PLAC1: variants seen among roughly 807,000 people sequenced by gnomAD.
The protein encoded by PLAC1 is placenta-specific protein 1.
For missense variants in PLAC1, 136 were observed against 163.2 expected (o/e 0.83, Z 0.91); for synonymous variants, 68 against 62.1 (o/e 1.09, Z -0.44).
At chrX:134,624,766 A>C (rs975586675) in intron 1 of PLAC1, among the ~76,000 whole-genome samples, 3 of 111,587 alleles carry the variant, frequency 2.7e-5, no homozygotes, top group Non-Finnish European at 5.6e-5. Flanking sequence ...TGCATTCCCC[A>C]GTGTCAACCC....
Position 134,587,905 on chromosome X carries a change from C to A in PLAC1, c.-59+14146G>T, listed in dbSNP as rs1198200541. 2.7e-5 allele frequency among the ~76,000 whole-genome samples: 3 copies of A among 111,773 alleles called. No homozygotes were observed. In the East Asian group the frequency reaches 8.4e-4, roughly 31 times the overall value. On this transcript the variant is annotated intron_variant, in intron 2 of 2. Transcript: ENST00000359237. ...TAAAATCGATGTTGTTCTGTTACCT[C>A]CCTTCATAACCTCCAAACTGTAAGA...
At chrX:134,637,505 C>G (rs1029939531) in intron 1 of PLAC1, among the ~76,000 whole-genome samples, 1 of 111,992 alleles carries the variant, frequency 8.9e-6, no homozygotes, top group Non-Finnish European at 1.9e-5. Flanking sequence ...CTTACTCAAG[C>G]TCAAAGTTTA....
chrX:134,747,621 AATC>A (rs1450047370), intron 1 of PLAC1, among the ~76,000 whole-genome samples: 1 of 111,282 alleles, frequency 9.0e-6, no homozygotes, highest in African/African-American at 3.3e-5. Context: ...TCAGAAAGAG[AATC>A]CTGGCCTGAG....
chrX:134,677,834 G>A (rs985681165), intron 2 of PLAC1, among the ~76,000 whole-genome samples: 1 of 111,877 alleles, frequency 8.9e-6, no homozygotes, highest in African/African-American at 3.3e-5. Context: ...GTTGAAGCAG[G>A]GAGACCAGTT....
chrX:134,763,824 A>AAAAG (rs58989876), intron 1 of PLAC1, among the ~76,000 whole-genome samples: 1,946 of 90,489 alleles, frequency 0.022, 30 homozygotes, highest in Non-Finnish European at 0.026. Flanking sequence ...TCCGAAAAAA[A>AAAAG]AAAGAAAGAA....
intron 2 of PLAC1, among the ~76,000 whole-genome samples, chrX:134,713,133 CCT>C (rs1366923742): frequency 9.0e-6 from 1 of 111,458 alleles, no homozygotes; most frequent in East Asian, 2.8e-4. Flanking sequence ...ATGCTTGCCC[CCT>C]GTTCCCCAAA....
At chrX:134,720,956 C>T (rs2078655676) in intron 2 of PLAC1, among the ~76,000 whole-genome samples, 1 of 112,878 alleles carries the variant, frequency 8.9e-6, no homozygotes, top group Non-Finnish European at 1.9e-5. Flanking sequence ...CTGTGCCTTC[C>T]TAGCATGAAG....
intron 2 of PLAC1, among the ~76,000 whole-genome samples, chrX:134,593,966 TC>T (rs1468750997): frequency 2.7e-5 from 3 of 111,484 alleles, no homozygotes; most frequent in Admixed American, 9.6e-5. Flanking sequence ...AAAGTGCACA[TC>T]CTTGCCTTTT....
intron 1 of PLAC1, among the ~76,000 whole-genome samples, chrX:134,604,764 GT>G (rs1176866881): frequency 9.0e-6 from 1 of 111,023 alleles, no homozygotes; most frequent in Admixed American, 9.5e-5. Flanking sequence ...ATCGCACAAG[GT>G]CTGGGGTTTA....
At chrX:134,618,653 C>T (rs1042215714) in intron 1 of PLAC1, among the ~76,000 whole-genome samples, 3 of 111,851 alleles carry the variant, frequency 2.7e-5, no homozygotes, top group South Asian at 7.6e-4. Context: ...TGGGCTCCAG[C>T]GATCTGCCCA....
chrX:134,631,446 G>A (rs754905645), intron 1 of PLAC1, among the ~76,000 whole-genome samples: 1 of 111,967 alleles, frequency 8.9e-6, no homozygotes, highest in Non-Finnish European at 1.9e-5. Context: ...TCTTGAAAAA[G>A]GTCACTCTCC....
At chrX:134,570,198 A>T (rs1184550548) in intron 2 of PLAC1, among the ~76,000 whole-genome samples, 1 of 111,286 alleles carries the variant, frequency 9.0e-6, no homozygotes, top group Non-Finnish European at 1.9e-5. Context: ...CTTTTCTAAC[A>T]CCTTGCTGAG....
Position 134,566,699 on chromosome X carries a change from A to G in PLAC1, c.-17T>C. On this transcript the variant is annotated 5_prime_UTR_variant, in exon 3 of 3. Coordinates refer to ENST00000359237, the MANE Select transcript of PLAC1 (RefSeq NM_021796.4). ...AACTTTCATCCCTGCAGCCAATCAGATAATGAACCACAGGAAACAGGAAGC... is the reference window on the plus strand; with the variant it reads ...AACTTTCATCCCTGCAGCCAATCAGGTAATGAACCACAGGAAACAGGAAGC... 8.6e-7 allele frequency: 1 copy of G among 1,160,626 alleles called. No homozygotes were observed. The highest frequency in any genetic ancestry group is 1.2e-6 in the Non-Finnish European group (1 of 863,472).
At chrX:134,665,176 C>G (rs745945776) in intron 2 of PLAC1, among the ~76,000 whole-genome samples, 1 of 110,086 alleles carries the variant, frequency 9.1e-6, no homozygotes, top group African/African-American at 3.3e-5. Flanking sequence ...GAATCTAGAT[C>G]AAGATAGAGA....
At chrX:134,712,288 G>A in intron 2 of PLAC1, among the ~76,000 whole-genome samples, 1 of 111,405 alleles carries the variant, frequency 9.0e-6, no homozygotes, top group Non-Finnish European at 1.9e-5. Flanking sequence ...CTTCCCAGTA[G>A]AAATAGCATA....
chrX:134,756,318 C>A (rs1476925913), intron 1 of PLAC1, among the ~76,000 whole-genome samples: 1 of 108,363 alleles, frequency 9.2e-6, no homozygotes, highest in South Asian at 3.9e-4. Flanking sequence ...AATTAATCGA[C>A]GTTTTCTTCT....
At chrX:134,722,454 C>T (rs2078660996) in intron 2 of PLAC1, among the ~76,000 whole-genome samples, 3 of 112,224 alleles carry the variant, frequency 2.7e-5, no homozygotes, top group Admixed American at 1.9e-4. Flanking sequence ...CACGATTCCA[C>T]TTACATGAAA....
At chrX:134,660,769 G>C (rs899737317), upstream of PLAC1, among the ~76,000 whole-genome samples, 1 of 111,753 alleles carries the variant, frequency 8.9e-6, no homozygotes, top group Non-Finnish European at 1.9e-5. Context: ...ATATTTTCTG[G>C]AGTTGTGGGA....
chrX:134,578,431 A>C (rs1227264182), intron 2 of PLAC1, among the ~76,000 whole-genome samples: 1 of 20,892 alleles, frequency 4.8e-5, no homozygotes, highest in Non-Finnish European at 1.3e-4. Context: ...AAAAAAAAAG[A>C]AAAGAAAAAA....
Sources: gnomAD v4.1 joint callset for allele counts (sites outside exome capture counted in the v4.1 genomes callset) on GRCh38, gnomAD v4.1.1 for gene constraint, MANE v1.5 for transcripts, NCBI Gene and HGNC (gene_info 2026-07-23, HGNC 2026-07-21) for gene names.